ATL1: variants seen among roughly 807,000 people sequenced by gnomAD.
ATL1 encodes the protein atlastin-1.
Under a neutral mutation model 75.5 loss-of-function variants are expected in ATL1, and 31 were observed. The ratio of observed to expected loss-of-function variants is 0.41; its 90% CI spans 0.31 to 0.55. ATL1 has a LOEUF of 0.55. ATL1 is among the 20% of genes least tolerant of loss of function. The pLI, the probability that ATL1 is intolerant of heterozygous loss-of-function variation, is 0.27. For missense variants in ATL1, 405 were observed against 662.6 expected (o/e 0.61, Z 4.27); for synonymous variants, 226 against 233.3 (o/e 0.97, Z 0.28).
chr14:50,595,060 G>A (rs1157920568), intron 5 of ATL1, among the ~76,000 whole-genome samples: 1 of 150,052 alleles, frequency 6.7e-6, no homozygotes, highest in African/African-American at 2.4e-5. Context: ...GAAAGGAAAA[G>A]GACTCTCCAT....
intron 1 of ATL1, among the ~76,000 whole-genome samples, chr14:50,582,629 T>A (rs1053710855): frequency 6.6e-5 from 10 of 151,526 alleles, no homozygotes; most frequent in South Asian, 2.1e-4. Context: ...TTTCACCATC[T>A]TGGCCAGGTT....
chr14:50,536,105 C>T (rs189721587), intron 1 of ATL1, among the ~76,000 whole-genome samples: 46 of 152,278 alleles, frequency 3.0e-4, no homozygotes, highest in Admixed American at 1.4e-3. Context: ...TTGTAGATTG[C>T]CCGGTCTCAG....
At chr14:50,598,599 G>T (rs907562553) in intron 6 of ATL1, among the ~76,000 whole-genome samples, 1 of 152,020 alleles carries the variant, frequency 6.6e-6, no homozygotes, top group African/African-American at 2.4e-5. Flanking sequence ...CTGACCTCAG[G>T]TTATCTGCCC....
intron 1 of ATL1, among the ~76,000 whole-genome samples, chr14:50,563,762 G>A (rs1157078317): frequency 6.6e-6 from 1 of 152,164 alleles, no homozygotes; most frequent in Non-Finnish European, 1.5e-5. Context: ...GATAAAACTG[G>A]GAAGCGAGTC....
chr14:50,537,282 A>G (rs2038506107), intron 1 of ATL1, among the ~76,000 whole-genome samples: 1 of 152,228 alleles, frequency 6.6e-6, no homozygotes, highest in Admixed American at 6.5e-5. Context: ...TGAGCCTTCT[A>G]GTACACAGAA....
At chr14:50,573,007 G>A (rs2038968132) in intron 1 of ATL1, among the ~76,000 whole-genome samples, 1 of 152,112 alleles carries the variant, frequency 6.6e-6, no homozygotes, top group Admixed American at 6.6e-5. Context: ...CAGAGCTAAT[G>A]GGGTAAAAGC....
chr14:50,540,902 A>G (rs2038552449), intron 1 of ATL1, among the ~76,000 whole-genome samples: 2 of 152,232 alleles, frequency 1.3e-5, no homozygotes, highest in African/African-American at 4.8e-5. Context: ...TAAAGATATG[A>G]AAGATACAAG....
At chr14:50,548,577 TC>T (rs955049828) in intron 1 of ATL1, among the ~76,000 whole-genome samples, 16 of 152,256 alleles carry the variant, frequency 1.1e-4, no homozygotes, top group African/African-American at 3.9e-4. Flanking sequence ...TGGCGTGATC[TC>T]GGGTCACTGC....
At chr14:50,542,637 A>C (rs1338045827) in intron 1 of ATL1, 1 of 152,040 alleles carries the variant, frequency 6.6e-6, no homozygotes, top group Non-Finnish European at 1.5e-5. Context: ...ACCTGCCCTT[A>C]CTTCTTTGCC....
intron 1 of ATL1, among the ~76,000 whole-genome samples, chr14:50,535,333 A>G (rs1001163392): frequency 2.6e-5 from 4 of 152,234 alleles, no homozygotes; most frequent in Non-Finnish European, 5.9e-5. Flanking sequence ...TTATTATCCA[A>G]GACAAAATGG....
At chr14:50,599,881 T>G (rs1165887835) in intron 6 of ATL1, among the ~76,000 whole-genome samples, 2 of 152,060 alleles carry the variant, frequency 1.3e-5, no homozygotes, top group Non-Finnish European at 2.9e-5. Context: ...TGAATTCTCC[T>G]GAGGGCTCAG....
intron 8 of ATL1, among the ~76,000 whole-genome samples, chr14:50,619,934 T>C (rs959220587): frequency 6.6e-6 from 1 of 152,090 alleles, no homozygotes; most frequent in African/African-American, 2.4e-5. Context: ...TATGAGCCTA[T>C]ATATATAAAA....
At chr14:50,560,556 C>G in intron 1 of ATL1, 2 of 534,752 alleles carry the variant, frequency 3.7e-6, no homozygotes, top group African/African-American at 1.9e-5. Context: ...CCCCACCCCC[C>G]TCCCGCCTCC....
At chr14:50,623,966 A>G (rs1465052752) in intron 11 of ATL1, among the ~76,000 whole-genome samples, 1 of 152,174 alleles carries the variant, frequency 6.6e-6, no homozygotes, top group East Asian at 1.9e-4. Context: ...GAAGCAGGGT[A>G]ATTGCTTGAA....
At chr14:50,598,889 TCA>T (rs2039246255) in intron 6 of ATL1, among the ~76,000 whole-genome samples, 1 of 143,014 alleles carries the variant, frequency 7.0e-6, no homozygotes, top group African/African-American at 2.5e-5. Context: ...AAAAACAAGT[TCA>T]CTATTTGAAG....
intron 6 of ATL1, among the ~76,000 whole-genome samples, chr14:50,605,053 TG>T (rs2039304494): frequency 6.6e-6 from 1 of 152,032 alleles, no homozygotes; most frequent in African/African-American, 2.4e-5. Flanking sequence ...ATACTTATCA[TG>T]GATTTTCTTT....
chr14:50,568,113 A>G (rs1489646519), intron 1 of ATL1, among the ~76,000 whole-genome samples: 4 of 152,216 alleles, frequency 2.6e-5, no homozygotes, highest in Non-Finnish European at 5.9e-5. Context: ...AACTGTTAGT[A>G]TAGAACTATT....
At chr14:50,539,719 T>C (rs2038537410) in intron 1 of ATL1, among the ~76,000 whole-genome samples, 1 of 152,226 alleles carries the variant, frequency 6.6e-6, no homozygotes, top group Non-Finnish European at 1.5e-5. Context: ...GGAGAGCTTA[T>C]ACAATGAAGA....
At chr14:50,537,059 T>A (rs1219443082) in intron 1 of ATL1, among the ~76,000 whole-genome samples, 1 of 152,240 alleles carries the variant, frequency 6.6e-6, no homozygotes, top group Non-Finnish European at 1.5e-5. Flanking sequence ...GTCAGAGGTC[T>A]TCATGGCAGA....
Sources: allele counts gnomAD v4.1 joint callset (sites outside exome capture counted in the v4.1 genomes callset), GRCh38; gene constraint gnomAD v4.1.1; transcripts MANE v1.5; gene names NCBI Gene and HGNC (gene_info 2026-07-23, HGNC 2026-07-21).